Variants in LRRC37A3 observed in about 807,000 individuals in gnomAD.
The protein encoded by LRRC37A3 is leucine rich repeat containing 37 member A3.
In LRRC37A3, 25 loss-of-function variants were observed where a neutral mutation model predicts 106.2. That is an observed-to-expected ratio of 0.24 (90% CI 0.17 to 0.33). The LOEUF (loss-of-function observed/expected upper bound fraction) is 0.33. Among genes scored for constraint, LRRC37A3 ranks in the 10% least tolerant of loss-of-function variants. The pLI is 1.00. For missense variants in LRRC37A3, 712 were observed against 1,644.9 expected, an observed-to-expected ratio of 0.43 and a Z score of 9.81; for synonymous variants, 305 against 635.8, an observed-to-expected ratio of 0.48 and a Z score of 7.83.
intron 2 of LRRC37A3, among the ~76,000 whole-genome samples, chr17:64,914,431 T>C (rs2684632): frequency 6.8e-6 from 1 of 147,952 alleles, no homozygotes; most frequent in Non-Finnish European, 1.5e-5. Flanking sequence ...TGGTGGTGGG[T>C]GCCTGTAATC....
rs1380431078 is a variant in LRRC37A3, at chr17:64,917,210, C to A, written c.-496+1540G>T. 6.7e-5 allele frequency among the ~76,000 whole-genome samples: 9 copies of A among 135,166 alleles called. No homozygotes were observed. The East Asian group carries it at 2.0e-3, about 30-fold the overall frequency. 88.7% of individuals were successfully genotyped at this position (135,166 alleles called of 152,430 possible). ...GCAGTGAGCCGAGATCGCGCCACTG[C>A]ACTCCAGCCTGGGTAACAGAGCCAG... On this transcript the variant is annotated intron_variant, in intron 2 of 14. Coordinates refer to ENST00000584306, the MANE Select transcript of LRRC37A3 (RefSeq NM_199340.5).
chr17:64,878,827 G>A (rs1973597234), intron 8 of LRRC37A3, among the ~76,000 whole-genome samples: 1 of 152,188 alleles, frequency 6.6e-6, no homozygotes, highest in Non-Finnish European at 1.5e-5. Context: ...TTCTGCTAGG[G>A]ATGCACCCTA....
chr17:64,898,533 TC>T (rs1974203256), intron 2 of LRRC37A3, 74 bp from the exon 3 acceptor site: 1 of 979,124 alleles, frequency 1.0e-6, no homozygotes, highest in East Asian at 1.1e-4. Context: ...AAGATTCACC[TC>T]ATTTAGGGAT....
chr17:64,918,948 G>T (rs1000526874), intron 1 of LRRC37A3, 78 bp from the exon 2 acceptor site: 10 of 1,054,874 alleles, frequency 9.5e-6, no homozygotes, highest in African/African-American at 1.7e-5. Flanking sequence ...CGGCCGTCCG[G>T]ACCTGCAGCT....
At chr17:64,909,628 G>A (rs1974538582) in intron 2 of LRRC37A3, 1 of 152,186 alleles carries the variant, frequency 6.6e-6, no homozygotes, top group Admixed American at 6.5e-5. Flanking sequence ...AAAGAAAATG[G>A]ATACTCCCCT....
Position 64,859,739 on chromosome 17 carries a change from T to C in LRRC37A3, c.4407A>G (p.Pro1469=). ...TTAGCTGAATTTCAAACTGATCACC[T>C]GGGGACGAGAGCAATGGGTAATTGA... ...KSFNYPLLSS[P]GDQFEIQLTQ... The change falls in exon 12 of 15, where the codon CCA becomes CCG. Residue 1469 remains proline, a synonymous_variant. Transcript: ENST00000584306. 6.2e-7 allele frequency: 1 copy of C among 1,613,270 alleles called. No individual in the cohort carries two copies. The highest frequency in any genetic ancestry group is 1.1e-5 in the South Asian group (1 of 90,992).
chr17:64,910,770 T>C (rs1195394434), intron 2 of LRRC37A3, among the ~76,000 whole-genome samples: 1 of 146,706 alleles, frequency 6.8e-6, no homozygotes, highest in African/African-American at 2.5e-5. Context: ...TCACTTCAAG[T>C]AGCTGGGATT....
At chr17:64,880,995 G>A in intron 8 of LRRC37A3, 1 of 633,248 alleles carries the variant, frequency 1.6e-6, no homozygotes, top group Non-Finnish European at 2.8e-6. Flanking sequence ...AAGGCTGTCA[G>A]GGAAAACTGG....
intron 8 of LRRC37A3, chr17:64,881,099 T>C: frequency 1.4e-6 from 1 of 700,874 alleles, no homozygotes; most frequent in South Asian, 1.5e-5. Context: ...ACCTCTTTCC[T>C]TTATTCATCT....
chr17:64,867,096 T>A (rs954182822), intron 10 of LRRC37A3, among the ~76,000 whole-genome samples: 4 of 151,986 alleles, frequency 2.6e-5, no homozygotes, highest in African/African-American at 9.7e-5. Context: ...TCTTAAAGAT[T>A]TCTTAGGTAA....
intron 8 of LRRC37A3, among the ~76,000 whole-genome samples, chr17:64,881,830 C>G (rs995550830): frequency 6.7e-6 from 1 of 150,166 alleles, no homozygotes; most frequent in South Asian, 2.1e-4. Context: ...CCAGCACTGA[C>G]CGGTGAGCAT....
chr17:64,883,140 A>G (rs1433459421), intron 8 of LRRC37A3, among the ~76,000 whole-genome samples: 1 of 152,240 alleles, frequency 6.6e-6, no homozygotes, highest in African/African-American at 2.4e-5. Flanking sequence ...TTTGATAGTT[A>G]GCCGCCTGGT....
intron 10 of LRRC37A3, among the ~76,000 whole-genome samples, chr17:64,863,893 C>A (rs2143400463): frequency 6.6e-6 from 1 of 152,156 alleles, no homozygotes; most frequent in East Asian, 1.9e-4. Flanking sequence ...AGCCTCAACC[C>A]CCCTGGGCTC....
At chr17:64,918,595 T>G (rs1308888251) in intron 2 of LRRC37A3, among the ~76,000 whole-genome samples, 155 bp downstream of exon 2, 2 of 152,218 alleles carry the variant, frequency 1.3e-5, no homozygotes, top group Non-Finnish European at 2.9e-5. Context: ...CAAAATTAAT[T>G]TTTTAAATTA....
In LRRC37A3 at chr17:64,870,083, A is replaced by ATT. The variant is rs904361471; in HGVS notation, c.2907-919_2907-918dup. ...TGAGCGCTTTGAGGGCAGAGACCAC[A>ATT]TTTTTTTTTTTTTTTTTTTTTTTCT... is the stretch of plus-strand genomic sequence containing the variant. On this transcript the variant is annotated intron_variant, in intron 8 of 14. Coordinates refer to ENST00000584306, the MANE Select transcript of LRRC37A3 (RefSeq NM_199340.5). Among the ~76,000 whole-genome samples the ATT allele has an allele frequency of 2.6e-3, 288 of 110,350 alleles. 1 individual carries two copies. The highest frequency in any genetic ancestry group is 3.7e-3 in the Non-Finnish European group (197 of 53,518). The allele number at this position is 110,350 out of a possible 152,430, so 72.4% of individuals were successfully genotyped here.
At chr17:64,882,429 A>C (rs924991331) in intron 8 of LRRC37A3, among the ~76,000 whole-genome samples, 1 of 152,214 alleles carries the variant, frequency 6.6e-6, no homozygotes, top group Non-Finnish European at 1.5e-5. Flanking sequence ...AAGAGTTGTT[A>C]GGTGTGACAA....
Position 64,897,161 on chromosome 17 carries a change from G to T in LRRC37A3, c.97C>A (p.Leu33Ile), listed in dbSNP as rs754901967. ...PLLMWQLLWL[L>I]VKEAQPLEWV... is the part of the protein sequence containing the mutation. The stretch of plus-strand genomic sequence containing the variant: ...TCCAGAGGCTGAGCCTCCTTGACTA[G>T]TAGCCACAATAGTTGCCACATAAGG... The change falls in exon 4 of 15, where the codon CTA (leucine) becomes ATA (isoleucine). Residue 33 changes from leucine (L) to isoleucine (I), a missense_variant. Physicochemically the swap from Leu to Ile is conservative, Grantham distance 5. Coordinates refer to ENST00000584306, the MANE Select transcript of LRRC37A3 (RefSeq NM_199340.5). 1 of 1,608,792 alleles carries T rather than the reference G, an allele frequency of 6.2e-7. No homozygotes were observed. The highest frequency in any genetic ancestry group is 2.3e-4 in the Middle Eastern group (1 of 4,430).
At chr17:64,856,259 C>T (rs1369829558) in intron 13 of LRRC37A3, among the ~76,000 whole-genome samples, 1 of 152,140 alleles carries the variant, frequency 6.6e-6, no homozygotes, top group Non-Finnish European at 1.5e-5. Flanking sequence ...CTCTGTTACT[C>T]AGGATGGAGT....
At chr17:64,870,127 G>C (rs1267713552) in intron 8 of LRRC37A3, among the ~76,000 whole-genome samples, 1 of 130,106 alleles carries the variant, frequency 7.7e-6, no homozygotes, top group Non-Finnish European at 1.6e-5. Flanking sequence ...GTCTCACTCT[G>C]TCGCCCAGGC....
Sources: allele counts gnomAD v4.1 joint callset (sites outside exome capture counted in the v4.1 genomes callset), GRCh38; gene constraint gnomAD v4.1.1; transcripts MANE v1.5; gene names NCBI Gene and HGNC (gene_info 2026-07-23, HGNC 2026-07-21).